Variants in MCHR2 observed in about 807,000 individuals in gnomAD.
MCHR2 encodes melanin-concentrating hormone receptor 2.
Under a neutral mutation model 24.8 loss-of-function variants are expected in MCHR2, and 15 were observed. The ratio of observed to expected loss-of-function variants is 0.60; its 90% CI spans 0.40 to 0.93. The LOEUF (loss-of-function observed/expected upper bound fraction) is 0.93. Among genes scored for constraint, MCHR2 ranks in the 40% least tolerant of loss-of-function variants. The pLI is 0.00. For missense variants in MCHR2, 386 were observed against 408.7 expected, an observed-to-expected ratio of 0.94 and a Z score of 0.48; for synonymous variants, 151 against 147.6, an observed-to-expected ratio of 1.02 and a Z score of -0.17.
At chr6:99,927,985 G>T (rs1300143310) in intron 5 of MCHR2, among the ~76,000 whole-genome samples, 1 of 152,112 alleles carries the variant, frequency 6.6e-6, no homozygotes, top group African/African-American at 2.4e-5. Context: ...GTCATAGATA[G>T]CTCTTATGAT....
intron 1 of MCHR2, among the ~76,000 whole-genome samples, chr6:99,960,589 A>C (rs1229649420): frequency 6.6e-6 from 1 of 152,196 alleles, no homozygotes; most frequent in Non-Finnish European, 1.5e-5. Flanking sequence ...CTATACTACA[A>C]GGCTACAGTA....
chr6:99,961,586 C>G (rs1407803111), intron 1 of MCHR2, among the ~76,000 whole-genome samples: 1 of 152,110 alleles, frequency 6.6e-6, no homozygotes, highest in Non-Finnish European at 1.5e-5. Flanking sequence ...AACCATTATT[C>G]TCAGCAAACT....
intron 2 of MCHR2, among the ~76,000 whole-genome samples, chr6:99,954,008 A>G (rs918578222): frequency 1.3e-5 from 2 of 151,668 alleles, no homozygotes; most frequent in African/African-American, 4.8e-5. Flanking sequence ...ACAAGTTACG[A>G]GCCTTCTCGG....
chr6:99,927,194 T>C (rs1562117182), intron 5 of MCHR2, among the ~76,000 whole-genome samples: 2 of 152,192 alleles, frequency 1.3e-5, no homozygotes, highest in Non-Finnish European at 2.9e-5. Flanking sequence ...CATTGATCTA[T>C]ATCTCTGTTT....
At chr6:99,973,649 C>T (rs952611066) in intron 1 of MCHR2, among the ~76,000 whole-genome samples, 7 of 152,144 alleles carry the variant, frequency 4.6e-5, no homozygotes, top group Non-Finnish European at 8.8e-5. Context: ...CAGTTTCTTC[C>T]TAGCCTTGAT....
chr6:99,987,830 T>C lies in MCHR2; in HGVS notation c.-28+6106A>G, dbSNP rs554901400. Among the ~76,000 whole-genome samples, 3 of 152,328 alleles carry C rather than the reference T, an allele frequency of 2.0e-5. No homozygotes were observed. In the East Asian group the frequency reaches 5.8e-4, roughly 29 times the overall value. Reference sequence around the variant, plus strand: ...AAAATAAACACTGTTTTAAAATTTTTCATGGGGGCACAAAAGGTTATTTTT... The same window carrying C: ...AAAATAAACACTGTTTTAAAATTTTCCATGGGGGCACAAAAGGTTATTTTT... On this transcript the variant is annotated intron_variant, in intron 1 of 5. Transcript: ENST00000281806.
intron 1 of MCHR2, among the ~76,000 whole-genome samples, chr6:99,991,687 G>T (rs1775878924): frequency 6.6e-6 from 1 of 151,680 alleles, no homozygotes; most frequent in Non-Finnish European, 1.5e-5. Flanking sequence ...GGCGCCTGTA[G>T]TCCCAGCTAC....
intron 5 of MCHR2, among the ~76,000 whole-genome samples, chr6:99,925,545 T>A (rs969496592): frequency 2.0e-5 from 3 of 152,090 alleles, no homozygotes; most frequent in Admixed American, 2.0e-4. Flanking sequence ...TATTGCTTTT[T>A]ATTTTTTGTT....
chr6:99,932,299 T>C (rs1275319899), intron 5 of MCHR2, among the ~76,000 whole-genome samples: 1 of 152,166 alleles, frequency 6.6e-6, no homozygotes, highest in East Asian at 1.9e-4. Flanking sequence ...TATAGTAATA[T>C]AAATAATATT....
chr6:99,976,788 T>C (rs6915243), intron 1 of MCHR2, among the ~76,000 whole-genome samples: 24,307 of 152,218 alleles, frequency 0.16, 2,076 homozygotes, highest in African/African-American at 0.19. Context: ...TGCCTAAGCC[T>C]TGCTAAGGTA....
At chr6:99,957,422 G>A (rs1430914190) in intron 1 of MCHR2, among the ~76,000 whole-genome samples, 1 of 151,970 alleles carries the variant, frequency 6.6e-6, no homozygotes, top group African/African-American at 2.4e-5. Context: ...TTTTCATTTG[G>A]TTCCTTTTCA....
intron 1 of MCHR2, among the ~76,000 whole-genome samples, chr6:99,988,016 T>C (rs1775801099): frequency 6.6e-6 from 1 of 152,190 alleles, no homozygotes; most frequent in Non-Finnish European, 1.5e-5. Flanking sequence ...AAGGCAGCCA[T>C]AGACTTCAGC....
At chr6:99,934,108 T>A (rs1774600835) in intron 5 of MCHR2, among the ~76,000 whole-genome samples, 1 of 152,154 alleles carries the variant, frequency 6.6e-6, no homozygotes, top group African/African-American at 2.4e-5. Context: ...TGAAAACAGT[T>A]AAATAACTTA....
chr6:99,993,280 T>C (rs1447194856), intron 1 of MCHR2, among the ~76,000 whole-genome samples: 1 of 152,150 alleles, frequency 6.6e-6, no homozygotes, highest in East Asian at 1.9e-4. Flanking sequence ...CCTGCCTACT[T>C]TCCCCAGTTC....
At chr6:99,970,816 G>A (rs1322994179) in intron 1 of MCHR2, among the ~76,000 whole-genome samples, 2 of 152,138 alleles carry the variant, frequency 1.3e-5, no homozygotes, top group African/African-American at 4.8e-5. Context: ...TATTAAATAG[G>A]GATTCCTTTC....
chr6:99,925,764 T>C (rs1041150084), intron 5 of MCHR2, among the ~76,000 whole-genome samples: 3 of 151,894 alleles, frequency 2.0e-5, no homozygotes, highest in African/African-American at 7.2e-5. Context: ...ATTATCTATG[T>C]CTTGAAAAGT....
At chr6:99,956,944 ATGTGTGTGTG>A (rs3038362) in intron 1 of MCHR2, among the ~76,000 whole-genome samples, 3 of 150,448 alleles carry the variant, frequency 2.0e-5, no homozygotes, top group East Asian at 3.9e-4. Context: ...GCTGGACAAA[ATGTGTGTGTG>A]TGTGTGTGTG....
chr6:99,951,776 G>A (rs968714599), intron 2 of MCHR2, among the ~76,000 whole-genome samples: 10 of 152,068 alleles, frequency 6.6e-5, no homozygotes, highest in African/African-American at 1.2e-4. Flanking sequence ...GTTCTAAAAC[G>A]TTTTCCATCC....
intron 1 of MCHR2, among the ~76,000 whole-genome samples, chr6:99,981,131 C>T (rs1775662495): frequency 6.6e-6 from 1 of 152,126 alleles, no homozygotes. Context: ...AGCTGTCAAT[C>T]CTTTTGCTTA....
Sources: allele counts gnomAD v4.1 joint callset (sites outside exome capture counted in the v4.1 genomes callset), GRCh38; gene constraint gnomAD v4.1.1; transcripts MANE v1.5; gene names NCBI Gene and HGNC (gene_info 2026-07-23, HGNC 2026-07-21).